The following RAD54B variants were observed in gnomAD, a reference collection of about 807,000 sequenced individuals.
RAD54B encodes the protein RAD54 homolog B, also known as DNA repair and recombination protein RAD54B.
RAD54B carries 78 observed loss-of-function variants against 95.8 expected under a neutral mutation model. That is an observed-to-expected ratio of 0.81 (90% CI 0.68 to 0.98). RAD54B has a LOEUF of 0.98. Ranked by LOEUF, RAD54B falls within the 50% of genes least tolerant of loss-of-function variation. RAD54B has a pLI of 0.00. For synonymous variants in RAD54B, 328 were observed against 354.9 expected, an observed-to-expected ratio of 0.92 and a Z score of 0.85; for missense variants, 957 against 1,056.6, an observed-to-expected ratio of 0.91 and a Z score of 1.31.
At position 94,450,557 on chromosome 8, in the gene RAD54B, ATAAC is replaced by A. The variant is rs1389419250; in HGVS notation, c.304+7707_304+7710del. Among the ~76,000 whole-genome samples, 5 of 152,362 alleles carry A rather than the reference ATAAC, an allele frequency of 3.3e-5. No individual in the cohort carries two copies. In the South Asian group the frequency reaches 6.2e-4, roughly 19 times the overall value. On this transcript the variant is annotated intron_variant, in intron 3 of 14. Coordinates refer to ENST00000336148, the MANE Select transcript of RAD54B (RefSeq NM_012415.3). Reference sequence around the variant, plus strand: ...TGTCATAGTTTCTGTGAGAAAAAGTATAACTAACTTCTATTCAAATAAGCACTTT... The same window carrying A: ...TGTCATAGTTTCTGTGAGAAAAAGTATAACTTCTATTCAAATAAGCACTTT...
chr8:94,380,805 T>C (rs1281129333), intron 11 of RAD54B, among the ~76,000 whole-genome samples: 1 of 152,030 alleles, frequency 6.6e-6, no homozygotes. Flanking sequence ...AAGAAACAAA[T>C]GAAAGTTCAT....
At chr8:94,456,612 C>T (rs1293804867) in intron 3 of RAD54B, among the ~76,000 whole-genome samples, 2 of 151,986 alleles carry the variant, frequency 1.3e-5, no homozygotes, top group Admixed American at 6.6e-5. Flanking sequence ...TCTTTCAACT[C>T]GAGAGTTTGT....
intron 11 of RAD54B, among the ~76,000 whole-genome samples, chr8:94,383,284 C>CAAAAAAAAAAAAAAAA (rs34552024): frequency 1.2e-5 from 1 of 83,186 alleles, no homozygotes; most frequent in Non-Finnish European, 2.2e-5. Context: ...GACTCCATCT[C>CAAAAAAAAAAAAAAAA]AAAAAAAAAA....
chr8:94,382,173 A>G (rs904491912), intron 11 of RAD54B, among the ~76,000 whole-genome samples: 3 of 152,100 alleles, frequency 2.0e-5, no homozygotes, highest in Admixed American at 2.0e-4. Context: ...GTCTTCAGAT[A>G]AAAAGGACCT....
chr8:94,445,164 T>A (rs1812490802), intron 3 of RAD54B, among the ~76,000 whole-genome samples: 1 of 152,180 alleles, frequency 6.6e-6, no homozygotes, highest in African/African-American at 2.4e-5. Flanking sequence ...GGTTCTTAGA[T>A]GACGCCATCT....
chr8:94,436,578 A>C lies in RAD54B; in HGVS notation c.304+21690T>G, dbSNP rs1450459072. The C allele has an allele frequency of 6.4e-6, 10 of 1,550,420 alleles. No homozygotes were observed. In the East Asian group the frequency reaches 2.2e-4, roughly 34 times the overall value. On this transcript the variant is annotated intron_variant, in intron 3 of 14. Transcript: ENST00000336148. ...CCATAACTTTCTTGGTTGGCTCAGA[A>C]ATATTGCTTTTAAAATCTGATTGGG...
chr8:94,436,901 A>C, intron 3 of RAD54B: 1 of 1,488,570 alleles, frequency 6.7e-7, no homozygotes. Flanking sequence ...CAGTTTCTGA[A>C]ACCACCATGC....
intron 3 of RAD54B, among the ~76,000 whole-genome samples, chr8:94,444,320 C>T (rs1161933378): frequency 6.6e-6 from 1 of 150,770 alleles, no homozygotes; most frequent in Non-Finnish European, 1.5e-5. Context: ...GTAATGCAAA[C>T]ACATTATGAT....
chr8:94,432,227 C>T, intron 3 of RAD54B: 1 of 1,550,356 alleles, frequency 6.5e-7, no homozygotes, highest in Non-Finnish European at 8.7e-7. Context: ...CCTCTAGCTG[C>T]TGCCTTCTTT....
At chr8:94,427,000 AG>A (rs1265420898) in intron 3 of RAD54B, among the ~76,000 whole-genome samples, 3 of 152,212 alleles carry the variant, frequency 2.0e-5, no homozygotes, top group Non-Finnish European at 4.4e-5. Context: ...GATGAAGCCA[AG>A]TATAGCAAAA....
chr8:94,418,170 T>C (rs1009516658), intron 3 of RAD54B, among the ~76,000 whole-genome samples: 9 of 152,336 alleles, frequency 5.9e-5, no homozygotes, highest in African/African-American at 2.2e-4. Context: ...CATATGTTAT[T>C]GTGGATATAT....
intron 9 of RAD54B, among the ~76,000 whole-genome samples, chr8:94,392,764 ATTTTTTTTT>A (rs34856809): frequency 1.4e-5 from 1 of 72,602 alleles, no homozygotes. Flanking sequence ...CACCTGGCTG[ATTTTTTTTT>A]TTTTTTTTTT....
chr8:94,449,184 T>TC (rs144863111), intron 3 of RAD54B, among the ~76,000 whole-genome samples: 3 of 144,542 alleles, frequency 2.1e-5, no homozygotes, highest in Admixed American at 6.9e-5. Context: ...ACCACACCCT[T>TC]CCCCCCCGCC....
In RAD54B at chr8:94,447,532, T is replaced by C. The variant is rs373047237; in HGVS notation, c.304+10736A>G. On this transcript the variant is annotated intron_variant, in intron 3 of 14. Transcript: ENST00000336148. ...CTCATTGTGTTGCAGCCAGAAAATC[T>C]GGGTGAAATAACTCTCACTTCTAAG... Among the ~76,000 whole-genome samples, 125 of 152,316 alleles carry C rather than the reference T, an allele frequency of 8.2e-4. 3 individuals are homozygous for C. In the South Asian group the frequency reaches 0.024, roughly 29 times the overall value.
intron 2 of RAD54B, among the ~76,000 whole-genome samples, chr8:94,463,055 A>G (rs1812943967): frequency 6.6e-6 from 1 of 151,984 alleles, no homozygotes; most frequent in Non-Finnish European, 1.5e-5. Flanking sequence ...AGGCACCTTT[A>G]GTCCCAGCTA....
chr8:94,443,864 T>G (rs1301009373), intron 3 of RAD54B, among the ~76,000 whole-genome samples: 2 of 152,002 alleles, frequency 1.3e-5, no homozygotes, highest in Non-Finnish European at 2.9e-5. Flanking sequence ...GTTAATATAC[T>G]GATTTGATCA....
chr8:94,393,235 C>T (rs1811064363), intron 9 of RAD54B, among the ~76,000 whole-genome samples: 1 of 152,118 alleles, frequency 6.6e-6, no homozygotes, highest in African/African-American at 2.4e-5. Context: ...GCCAAACTTT[C>T]CCCAAGTTGT....
intron 3 of RAD54B, chr8:94,436,628 G>C: frequency 6.4e-7 from 1 of 1,550,512 alleles, no homozygotes; most frequent in Non-Finnish European, 8.7e-7. Flanking sequence ...AATAGCTCCT[G>C]TTTGGCATAT....
At chr8:94,461,241 C>T (rs905615873) in intron 2 of RAD54B, among the ~76,000 whole-genome samples, 2 of 132,814 alleles carry the variant, frequency 1.5e-5, no homozygotes, top group Non-Finnish European at 3.1e-5. Flanking sequence ...GGCGCAATCT[C>T]GGCTCACTGC....
Sources: allele counts gnomAD v4.1 joint callset (sites outside exome capture counted in the v4.1 genomes callset), GRCh38; gene constraint gnomAD v4.1.1; transcripts MANE v1.5; gene names NCBI Gene and HGNC (gene_info 2026-07-23, HGNC 2026-07-21).